The following WDR70 variants were observed in gnomAD, a reference collection of about 807,000 sequenced individuals.
WDR70 encodes WD repeat-containing protein 70.
WDR70 carries 53 observed loss-of-function variants against 88.6 expected under a neutral mutation model. The observed-to-expected ratio is 0.60, with a 90% CI of 0.48 to 0.75. The LOEUF is 0.75. Among genes scored for constraint, WDR70 ranks in the 30% least tolerant of loss-of-function variants. The probability of loss-of-function intolerance (pLI) is 0.00; values close to 1 mark genes in which losing one functional copy is unlikely to be tolerated. For synonymous variants in WDR70, 280 were observed against 270.0 expected (o/e 1.04, Z -0.36); for missense variants, 610 against 823.2 (o/e 0.74, Z 3.17).
At chr5:37,485,479 GTTGGT>G (rs1172551193) in intron 8 of WDR70, among the ~76,000 whole-genome samples, 3 of 152,122 alleles carry the variant, frequency 2.0e-5, no homozygotes, top group Non-Finnish European at 4.4e-5. Context: ...TGTACTGTTT[GTTGGT>G]TGTTTTGCCA....
At chr5:37,551,530 C>G (rs1444185398) in intron 9 of WDR70, among the ~76,000 whole-genome samples, 1 of 151,804 alleles carries the variant, frequency 6.6e-6, no homozygotes, top group Non-Finnish European at 1.5e-5. Flanking sequence ...GAGTTCAAGA[C>G]CAGCCTTGCC....
chr5:37,564,846 C>A (rs1326805114), intron 9 of WDR70, among the ~76,000 whole-genome samples: 2 of 151,954 alleles, frequency 1.3e-5, no homozygotes, highest in African/African-American at 4.8e-5. Context: ...TTTTAAGAAA[C>A]CTTTTTTCAT....
chr5:37,621,478 T>C (rs963137265), intron 10 of WDR70, among the ~76,000 whole-genome samples: 2 of 152,060 alleles, frequency 1.3e-5, no homozygotes, highest in African/African-American at 4.8e-5. Context: ...CATTCTCCCA[T>C]TTATAAAAGA....
intron 5 of WDR70, among the ~76,000 whole-genome samples, chr5:37,411,886 T>C (rs1198817458): frequency 6.6e-6 from 1 of 152,118 alleles, no homozygotes; most frequent in Non-Finnish European, 1.5e-5. Context: ...GGATTTAGTT[T>C]TACTGCTAAA....
chr5:37,640,449 G>T lies in WDR70; in HGVS notation c.1092+35211G>T, dbSNP rs542761135. On this transcript the variant is annotated intron_variant, in intron 10 of 17. Coordinates refer to ENST00000265107, the MANE Select transcript of WDR70 (RefSeq NM_018034.4). ...GTTTTTAATAAATAGGCTATATTGT[G>T]TGTGGTTTTTTTCATTGAGAGAATG... Among the ~76,000 whole-genome samples, 301 of 152,214 alleles carry T rather than the reference G, an allele frequency of 2.0e-3. 3 individuals carry two copies. Among genetic ancestry groups the T allele is most frequent in the African/African-American group, 7.0e-3 (292 of 41,534 alleles).
intron 17 of WDR70, among the ~76,000 whole-genome samples, chr5:37,733,924 G>C (rs968531676): frequency 8.6e-5 from 13 of 151,798 alleles, no homozygotes; most frequent in African/African-American, 2.7e-4. Flanking sequence ...GCTGTTGTAA[G>C]TAGAGTCTTT....
intron 8 of WDR70, among the ~76,000 whole-genome samples, chr5:37,488,197 C>G (rs1400295313): frequency 6.8e-6 from 1 of 147,258 alleles, no homozygotes; most frequent in Admixed American, 6.8e-5. Flanking sequence ...TTATATGTGA[C>G]TAGACTTTTT....
chr5:37,656,470 G>T (rs534062298), intron 10 of WDR70, among the ~76,000 whole-genome samples: 1 of 152,208 alleles, frequency 6.6e-6, no homozygotes, highest in African/African-American at 2.4e-5. Context: ...GAGCTCAAGC[G>T]CTGTGCTGGG....
chr5:37,737,851 T>G (rs941117784), intron 17 of WDR70, among the ~76,000 whole-genome samples: 5 of 152,152 alleles, frequency 3.3e-5, no homozygotes, highest in Non-Finnish European at 7.3e-5. Context: ...AGGTCTCATG[T>G]ATGTTCTTTT....
At chr5:37,662,821 T>A (rs948790771) in intron 10 of WDR70, among the ~76,000 whole-genome samples, 1 of 152,204 alleles carries the variant, frequency 6.6e-6, no homozygotes, top group East Asian at 1.9e-4. Context: ...TCTCTGACAG[T>A]TACTACTTGG....
chr5:37,531,697 A>G (rs1741492450), intron 9 of WDR70, among the ~76,000 whole-genome samples: 1 of 147,546 alleles, frequency 6.8e-6, no homozygotes, highest in East Asian at 2.0e-4. Flanking sequence ...TTGATTGTTG[A>G]ATTCTTATCC....
At chr5:37,608,700 G>A (rs746826436) in intron 10 of WDR70, among the ~76,000 whole-genome samples, 10 of 152,050 alleles carry the variant, frequency 6.6e-5, no homozygotes, top group African/African-American at 9.7e-5. Flanking sequence ...TGAGACCACG[G>A]GCATGCGCCA....
At chr5:37,420,774 T>C (rs770120954) in intron 5 of WDR70, among the ~76,000 whole-genome samples, 1 of 151,868 alleles carries the variant, frequency 6.6e-6, no homozygotes, top group Non-Finnish European at 1.5e-5. Flanking sequence ...ATAAGCCGAG[T>C]GTGCTGGTAC....
chr5:37,559,212 G>A (rs144175372), intron 9 of WDR70, among the ~76,000 whole-genome samples: 3 of 152,270 alleles, frequency 2.0e-5, no homozygotes, highest in East Asian at 1.9e-4. Context: ...GATTACAGGC[G>A]TGAGCCACCA....
intron 9 of WDR70, among the ~76,000 whole-genome samples, chr5:37,545,819 CA>C (rs1741975341): frequency 6.6e-6 from 1 of 152,086 alleles, no homozygotes; most frequent in South Asian, 2.1e-4. Context: ...CCACGACGCC[CA>C]GCCAAGGGTG....
rs765293466 is a variant in WDR70, at chr5:37,701,993, G to GT, written c.1277+858dup. Among the ~76,000 whole-genome samples the GT allele has an allele frequency of 1.2e-4, 19 of 152,176 alleles. No homozygotes were observed. The East Asian group carries it at 2.1e-3, about 17-fold the overall frequency. On this transcript the variant is annotated intron_variant, in intron 12 of 17. Coordinates refer to ENST00000265107, the MANE Select transcript of WDR70 (RefSeq NM_018034.4). ...AAATTGGCACCTGAAACTTTTAAAGGTTTTTTTGAAGCAGCTGAGGCAAAA... is the reference window on the plus strand; with the variant it reads ...AAATTGGCACCTGAAACTTTTAAAGGTTTTTTTTGAAGCAGCTGAGGCAAAA...
rs542752942 is a variant in WDR70, at chr5:37,676,900, A to C, written c.1093-20755A>C. 8.2e-3 allele frequency among the ~76,000 whole-genome samples: 1,249 copies of C among 152,238 alleles called. 11 individuals carry two copies. Among genetic ancestry groups the C allele is most frequent in the Middle Eastern group, 0.027 (8 of 294 alleles). ...TGGTTGGTAAGCTATTGATTATTGC[A>C]ACAATTTCAGATCCTGTTATTGGTC... is the stretch of plus-strand genomic sequence containing the variant. On this transcript the variant is annotated intron_variant, in intron 10 of 17. Transcript: ENST00000265107.
intron 3 of WDR70, among the ~76,000 whole-genome samples, chr5:37,390,488 G>C (rs1398721567): frequency 6.6e-6 from 1 of 151,142 alleles, no homozygotes; most frequent in Non-Finnish European, 1.5e-5. Context: ...TACAGGCGCC[G>C]GCCACTACGC....
chr5:37,585,338 A>G (rs946671464), intron 9 of WDR70, among the ~76,000 whole-genome samples: 1 of 152,094 alleles, frequency 6.6e-6, no homozygotes. Context: ...TTTTATCTTG[A>G]TACATGTTTT....
Sources: gnomAD v4.1 joint callset for allele counts (sites outside exome capture counted in the v4.1 genomes callset) on GRCh38, gnomAD v4.1.1 for gene constraint, MANE v1.5 for transcripts, NCBI Gene and HGNC (gene_info 2026-07-23, HGNC 2026-07-21) for gene names.